The following LRRC37A3 variants were observed in gnomAD, a reference collection of about 807,000 sequenced individuals.
LRRC37A3 encodes leucine rich repeat containing 37 member A3.
In LRRC37A3, 25 loss-of-function variants were observed where a neutral mutation model predicts 106.2. That is an observed-to-expected ratio of 0.24 (90% CI 0.17 to 0.33). The LOEUF is 0.33. Among genes scored for constraint, LRRC37A3 ranks in the 10% least tolerant of loss-of-function variants. The pLI is 1.00. For missense variants in LRRC37A3, 712 were observed against 1,644.9 expected, an observed-to-expected ratio of 0.43 and a Z score of 9.81; for synonymous variants, 305 against 635.8, an observed-to-expected ratio of 0.48 and a Z score of 7.83.
intron 2 of LRRC37A3, among the ~76,000 whole-genome samples, chr17:64,915,195 C>A (rs1974677700): frequency 6.6e-6 from 1 of 151,808 alleles, no homozygotes; most frequent in South Asian, 2.1e-4. Flanking sequence ...CTGATTTGAT[C>A]ATTACACACT....
chr17:64,870,024 T>TA (rs920771767), intron 8 of LRRC37A3, among the ~76,000 whole-genome samples: 3 of 151,038 alleles, frequency 2.0e-5, no homozygotes, highest in Non-Finnish European at 4.4e-5. Flanking sequence ...ACATTGCATG[T>TA]AATCACCTGT....
intron 2 of LRRC37A3, 142 bp downstream of exon 2, chr17:64,918,608 G>T (rs1426496824): frequency 5.8e-6 from 1 of 171,720 alleles, no homozygotes; most frequent in Non-Finnish European, 1.3e-5. Flanking sequence ...TTAAATTAAT[G>T]AGTTTTCAAC....
At chr17:64,869,964 T>A (rs1973256183) in intron 8 of LRRC37A3, among the ~76,000 whole-genome samples, 1 of 150,824 alleles carries the variant, frequency 6.6e-6, no homozygotes, top group Admixed American at 6.6e-5. Flanking sequence ...GAAGAACTGG[T>A]CAAAACCATA....
chr17:64,872,431 T>C (rs1973355496), intron 8 of LRRC37A3, among the ~76,000 whole-genome samples: 1 of 152,212 alleles, frequency 6.6e-6, no homozygotes, highest in South Asian at 2.1e-4. Flanking sequence ...AGAATGGAGA[T>C]GGAGCTCCTT....
chr17:64,893,718 C>T (rs1184915790), intron 4 of LRRC37A3, among the ~76,000 whole-genome samples: 3 of 138,178 alleles, frequency 2.2e-5, no homozygotes, highest in Admixed American at 7.2e-5. Context: ...GGTGCAATCT[C>T]GGCTCACTGC....
At chr17:64,865,783 T>C (rs1973048632) in intron 10 of LRRC37A3, among the ~76,000 whole-genome samples, 1 of 152,226 alleles carries the variant, frequency 6.6e-6, no homozygotes. Flanking sequence ...ATGCGGTCCG[T>C]ATACACATTT....
chr17:64,872,116 A>C (rs1164228890), intron 8 of LRRC37A3, among the ~76,000 whole-genome samples: 3 of 129,012 alleles, frequency 2.3e-5, no homozygotes, highest in Non-Finnish European at 4.8e-5. Context: ...TGGGCAACAG[A>C]GTGAGACTCT....
chr17:64,861,314 T>G (rs1021656766), intron 11 of LRRC37A3, among the ~76,000 whole-genome samples: 1 of 152,204 alleles, frequency 6.6e-6, no homozygotes, highest in Admixed American at 6.5e-5. Flanking sequence ...CTGGCCTCTC[T>G]GCAGACTGCT....
intron 12 of LRRC37A3, 99 bp from the exon 13 acceptor site, chr17:64,858,982 C>A: frequency 1.2e-6 from 1 of 823,336 alleles, no homozygotes; most frequent in Non-Finnish European, 2.0e-6. Context: ...GAAAGAGGGT[C>A]TCACTCTGTC....
At chr17:64,864,095 C>T (rs1433659305) in intron 10 of LRRC37A3, among the ~76,000 whole-genome samples, 3 of 151,420 alleles carry the variant, frequency 2.0e-5, no homozygotes, top group African/African-American at 4.9e-5. Context: ...TTCCAAAGTG[C>T]TGGGATTACA....
intron 2 of LRRC37A3, among the ~76,000 whole-genome samples, chr17:64,913,997 TAAAC>T (rs1488477332): frequency 3.3e-5 from 5 of 152,330 alleles, no homozygotes; most frequent in Non-Finnish European, 7.3e-5. Context: ...AACATTGACC[TAAAC>T]AAACAATGTT....
At chr17:64,910,110 T>A (rs1458177762) in intron 2 of LRRC37A3, 2 of 152,316 alleles carry the variant, frequency 1.3e-5, no homozygotes, top group African/African-American at 4.8e-5. Context: ...CCTTAGTTTT[T>A]AAATCTGCAT....
intron 10 of LRRC37A3, among the ~76,000 whole-genome samples, chr17:64,866,982 C>G (rs530191432): frequency 6.6e-6 from 1 of 151,042 alleles, no homozygotes; most frequent in Admixed American, 6.6e-5. Context: ...AAAGATACAT[C>G]ACATATGCAA....
intron 8 of LRRC37A3, among the ~76,000 whole-genome samples, chr17:64,873,072 C>T (rs897475747): frequency 8.6e-5 from 13 of 151,692 alleles, no homozygotes; most frequent in South Asian, 8.3e-4. Flanking sequence ...ACATATAATG[C>T]GAGACTTTAC....
chr17:64,897,252 A>T lies in LRRC37A3; in HGVS notation c.6T>A (p.Thr2=). ...ACGCTAGTGCCGGGCACTGAGCGGA[A>T]GTCATTCTGGCAGCTCCGAGACGCT... M[T]SAQCPALACV... is the part of the protein sequence containing the mutation. Residue 2 remains threonine, a synonymous_variant, in exon 4 of 15, where the codon ACT becomes ACA. Transcript: ENST00000584306. 6.2e-7 allele frequency: 1 copy of T among 1,609,788 alleles called. No homozygotes were observed.
At chr17:64,883,428 G>C (rs1973767734) in intron 8 of LRRC37A3, among the ~76,000 whole-genome samples, 1 of 150,472 alleles carries the variant, frequency 6.6e-6, no homozygotes, top group Admixed American at 6.7e-5. Flanking sequence ...TCAGGATTTT[G>C]TGGGGCCTGA....
chr17:64,876,556 G>A (rs1462855673), intron 8 of LRRC37A3, among the ~76,000 whole-genome samples: 2 of 151,832 alleles, frequency 1.3e-5, no homozygotes, highest in Admixed American at 6.6e-5. Flanking sequence ...GACATAAAAA[G>A]GATTATAATA....
chr17:64,916,279 C>T (rs1171478532), intron 2 of LRRC37A3, among the ~76,000 whole-genome samples: 2 of 151,950 alleles, frequency 1.3e-5, no homozygotes, highest in Admixed American at 6.6e-5. Context: ...GTGGCGGGTG[C>T]CTGTAGTCCC....
intron 8 of LRRC37A3, chr17:64,871,457 A>T (rs1167728637): frequency 2.0e-5 from 3 of 151,732 alleles, no homozygotes; most frequent in African/African-American, 4.8e-5. Context: ...ATAGTTAATT[A>T]GTCTATGGTC....
Sources: allele counts gnomAD v4.1 joint callset (sites outside exome capture counted in the v4.1 genomes callset), GRCh38; gene constraint gnomAD v4.1.1; transcripts MANE v1.5; gene names NCBI Gene and HGNC (gene_info 2026-07-23, HGNC 2026-07-21).